RIMKLB: variants seen among roughly 807,000 people sequenced by gnomAD.
RIMKLB encodes the protein ribosomal modification protein rimK like family member B, also known as beta-citrylglutamate synthase B.
Under a neutral mutation model 32.0 loss-of-function variants are expected in RIMKLB, and 7 were observed. The ratio of observed to expected loss-of-function variants is 0.22; its 90% CI spans 0.12 to 0.41. RIMKLB has a LOEUF of 0.41. Ranked by LOEUF, RIMKLB falls within the 10% of genes least tolerant of loss-of-function variation. The pLI is 1.00. For synonymous variants in RIMKLB, 172 were observed against 185.1 expected (o/e 0.93, Z 0.57); for missense variants, 289 against 498.7 (o/e 0.58, Z 4.00).
In RIMKLB at chr12:8,773,276, A is replaced by G. The variant is rs755091462; in HGVS notation, c.698-45A>G. On this transcript the variant is annotated intron_variant, in intron 5 of 5. Transcript: ENST00000535829. ...GGAGGCCAACTTTAATTTTATTTCAAAAGTTTATGATTTTGTTAATTTCCT... is the reference window on the plus strand; with the variant it reads ...GGAGGCCAACTTTAATTTTATTTCAGAAGTTTATGATTTTGTTAATTTCCT... The G allele has an allele frequency of 1.7e-5, 24 of 1,401,372 alleles. No individual in the cohort carries two copies. The East Asian group carries it at 3.4e-4, about 20-fold the overall frequency. 86.8% of individuals were successfully genotyped at this position (1,401,372 alleles called of 1,614,324 possible).
intron 2 of RIMKLB, among the ~76,000 whole-genome samples, chr12:8,718,667 A>ATGTG (rs1296960908): frequency 0.022 from 2,972 of 132,574 alleles, 28 homozygotes; most frequent in African/African-American, 0.038. Context: ...ATATATATAT[A>ATGTG]TATGTGTGTG....
intron 5 of RIMKLB, among the ~76,000 whole-genome samples, chr12:8,771,070 G>T (rs888784634): frequency 3.9e-5 from 6 of 152,218 alleles, no homozygotes; most frequent in African/African-American, 1.4e-4. Context: ...CCCTTCAGGA[G>T]CCTCTACGTG....
Position 8,750,348 on chromosome 12 carries a change from G to A in RIMKLB, c.406+256G>A, listed in dbSNP as rs930216586. Among the ~76,000 whole-genome samples, 4 of 152,240 alleles carry A rather than the reference G, an allele frequency of 2.6e-5. No homozygotes were observed. The East Asian group carries it at 7.7e-4, about 29-fold the overall frequency. ...CCATTAAGTTCTCTGGTAACCCTCC[G>A]TAATGCTGTTGTAGCATGAAAGCTG... is the stretch of plus-strand genomic sequence containing the variant. On this transcript the variant is annotated intron_variant, in intron 3 of 5. Transcript: ENST00000535829.
rs1182280006 is a variant in RIMKLB, at chr12:8,776,790, A to G, written c.*3006A>G. The G allele has an allele frequency of 2.0e-6, 2 of 985,468 alleles. No individual in the cohort carries two copies. Among genetic ancestry groups the G allele is most frequent in the African/African-American group, 3.5e-5 (2 of 57,236 alleles). 61.0% of individuals were successfully genotyped at this position (985,468 alleles called of 1,614,324 possible). On this transcript the variant is annotated 3_prime_UTR_variant, in exon 6 of 6. Coordinates refer to ENST00000535829, the MANE Select transcript of RIMKLB (RefSeq NM_001297776.2). Reference sequence around the variant, plus strand: ...AGAAAACTACCCTGGAACAGTAGAAAAACCCAACAAGAGACTTGGCATTCA... The same window carrying G: ...AGAAAACTACCCTGGAACAGTAGAAGAACCCAACAAGAGACTTGGCATTCA...
intron 5 of RIMKLB, among the ~76,000 whole-genome samples, chr12:8,772,022 G>A (rs763300506): frequency 1.2e-4 from 19 of 152,204 alleles, no homozygotes; most frequent in Middle Eastern, 3.4e-3. Flanking sequence ...CTGAGTAGCC[G>A]GAACTATAGG....
chr12:8,758,276 T>C (rs1272704521), intron 5 of RIMKLB, among the ~76,000 whole-genome samples: 2 of 151,686 alleles, frequency 1.3e-5, no homozygotes, highest in African/African-American at 4.9e-5. Flanking sequence ...TTTCTTTTTT[T>C]CCTTTATAAA....
At chr12:8,715,123 A>G (rs184367374) in intron 2 of RIMKLB, among the ~76,000 whole-genome samples, 60 of 152,168 alleles carry the variant, frequency 3.9e-4, no homozygotes, top group African/African-American at 1.1e-3. Flanking sequence ...TTTATTTTCA[A>G]TCCTCTTGTA....
At chr12:8,742,536 G>C in intron 2 of RIMKLB, 1 of 371,112 alleles carries the variant, frequency 2.7e-6, no homozygotes, top group South Asian at 2.2e-5. Context: ...CTTTCAGATG[G>C]AATATGTATC....
chr12:8,731,629 C>T (rs953201158), intron 2 of RIMKLB, among the ~76,000 whole-genome samples: 3 of 152,090 alleles, frequency 2.0e-5, no homozygotes, highest in African/African-American at 7.2e-5. Context: ...ATGATAGTTT[C>T]GTTGGGTTTT....
chr12:8,753,818 A>G, intron 4 of RIMKLB, 72 bp from the exon 5 acceptor site: 1 of 1,188,030 alleles, frequency 8.4e-7, no homozygotes, highest in South Asian at 1.3e-5. Flanking sequence ...TGATACAAGA[A>G]GATTCAGATA....
upstream of RIMKLB, chr12:8,679,039 T>C (rs770988999): frequency 6.5e-6 from 1 of 154,172 alleles, no homozygotes; most frequent in Admixed American, 6.5e-5. Context: ...ATACAGAAGT[T>C]CACTGTGCTT....
chr12:8,753,684 A>G (rs760763024), intron 4 of RIMKLB, among the ~76,000 whole-genome samples: 3 of 152,214 alleles, frequency 2.0e-5, no homozygotes, highest in Non-Finnish European at 4.4e-5. Context: ...GAAAGAGTTT[A>G]GGGAGTAGTA....
At chr12:8,675,539 C>T in the RIMKLB span, among the ~76,000 whole-genome samples, 1 of 152,178 alleles carries the variant, frequency 6.6e-6, no homozygotes, top group African/African-American at 2.4e-5. Context: ...CTCTATCTAT[C>T]ACCTAAAATA....
chr12:8,695,797 G>A (rs1185210163), upstream of RIMKLB, among the ~76,000 whole-genome samples: 1 of 151,306 alleles, frequency 6.6e-6, no homozygotes, highest in Non-Finnish European at 1.5e-5. Context: ...AGGTTCAAGC[G>A]ATTCTCCTGC....
rs1942492591 is a variant in RIMKLB at position 8,684,018 on chromosome 12, G to T, written n.219+2200G>T. On this transcript the variant is annotated intron_variant and non_coding_transcript_variant, in intron 1 of 1. Coordinates refer to the RIMKLB transcript ENST00000538758. ...CCCCCTCGGCTTCCCAAAGTGCTGGGATTATAGGCTTGAGCCACTGCGCCC... is the reference window on the plus strand; with the variant it reads ...CCCCCTCGGCTTCCCAAAGTGCTGGTATTATAGGCTTGAGCCACTGCGCCC... Among the ~76,000 whole-genome samples, 3 of 152,086 alleles carry T rather than the reference G, an allele frequency of 2.0e-5. No homozygotes were observed. The South Asian group carries it at 6.2e-4, about 32-fold the overall frequency.
chr12:8,743,949 T>C (rs1947832936), intron 2 of RIMKLB, among the ~76,000 whole-genome samples: 1 of 151,928 alleles, frequency 6.6e-6, no homozygotes, highest in Non-Finnish European at 1.5e-5. Flanking sequence ...AAAGACAATA[T>C]GTGTTAGAGG....
At chr12:8,716,005 G>A (rs1944796944) in intron 2 of RIMKLB, among the ~76,000 whole-genome samples, 1 of 152,186 alleles carries the variant, frequency 6.6e-6, no homozygotes, top group Non-Finnish European at 1.5e-5. Flanking sequence ...CAGACACTTA[G>A]TGTATTGGGA....
At chr12:8,736,168 GT>G (rs1481241820) in intron 2 of RIMKLB, among the ~76,000 whole-genome samples, 1 of 152,130 alleles carries the variant, frequency 6.6e-6, no homozygotes, top group Non-Finnish European at 1.5e-5. Flanking sequence ...TTCTATTTTA[GT>G]TTTAAGGATG....
intron 2 of RIMKLB, among the ~76,000 whole-genome samples, chr12:8,733,611 G>A (rs1285045571): frequency 6.6e-6 from 1 of 152,192 alleles, no homozygotes; most frequent in Admixed American, 6.5e-5. Context: ...GGTGGCTCAC[G>A]CCTGTAATCC....
Sources: gnomAD v4.1 joint callset for allele counts (sites outside exome capture counted in the v4.1 genomes callset) on GRCh38, gnomAD v4.1.1 for gene constraint, MANE v1.5 for transcripts, NCBI Gene and HGNC (gene_info 2026-07-23, HGNC 2026-07-21) for gene names.